Variants in TMEM232 observed in about 807,000 individuals in gnomAD.
TMEM232 encodes the protein transmembrane protein 232.
A neutral mutation model predicts 78.8 loss-of-function variants in TMEM232; 80 were observed. The ratio of observed to expected loss-of-function variants is 1.01; its 90% CI spans 0.85 to 1.22. The LOEUF is 1.22. TMEM232 is among the 50% of genes most tolerant of loss of function. The pLI is 0.00. For missense variants in TMEM232, 881 were observed against 742.2 expected (o/e 1.19, Z -2.17); for synonymous variants, 297 against 254.3 (o/e 1.17, Z -1.60).
chr5:110,426,429 A>C (rs1006186522), intron 12 of TMEM232, among the ~76,000 whole-genome samples: 1 of 152,062 alleles, frequency 6.6e-6, no homozygotes, highest in Admixed American at 6.6e-5. Flanking sequence ...TAAATGAATA[A>C]ATGAGAACTA....
At chr5:110,735,243 T>TAGGACCATAGCATTCTGTGCCAACTC (rs1799040496) in intron 1 of TMEM232, among the ~76,000 whole-genome samples, 1 of 152,234 alleles carries the variant, frequency 6.6e-6, no homozygotes, top group Admixed American at 6.5e-5. Context: ...TTTTGTTTGG[T>TAGGACCATAGCATTCTGTGCCAACTC]AGGACCATAG....
Position 110,568,473 on chromosome 5 carries a change from T to C in TMEM232, c.1429A>G (p.Ile477Val). Reference protein sequence around the residue: ...KTKDYEEDVRIQNAINIAQAE... With the variant: ...KTKDYEEDVRVQNAINIAQAE... ...TGAGCTATATTGATTGCATTTTGGA[T>C]TCGTACATCTTCCTCATAATCCTTT... Residue 477 changes from isoleucine (I) to valine (V), a missense_variant, in exon 11 of 14, where the codon ATC becomes GTC. By Grantham distance (29) the Ile-to-Val change is conservative. Transcript: ENST00000455884. The C allele has an allele frequency of 6.5e-7, 1 of 1,547,774 alleles. No individual in the cohort carries two copies. Among genetic ancestry groups the C allele is most frequent in the Non-Finnish European group, 8.7e-7 (1 of 1,145,112 alleles).
chr5:110,528,815 A>G lies in TMEM232; in HGVS notation c.1476T>C (p.Thr492=), dbSNP rs1383715434. ...TTGTACTATATCTAGTGAAAGGATC[A>G]GTTGGGTCATTTAACTCAGCCTGTT... The part of the protein sequence containing the change: ...NIAQAELNDP[T]DPFTRYSTNI... The change falls in exon 12 of 14, where the codon ACT becomes ACC. Residue 492 remains threonine, a synonymous_variant. Coordinates refer to ENST00000455884, the MANE Select transcript of TMEM232 (RefSeq NM_001039763.4). 6.7e-6 allele frequency: 10 copies of G among 1,487,990 alleles called. No individual in the cohort carries two copies. Among genetic ancestry groups the G allele is most frequent in the Non-Finnish European group, 8.9e-6 (10 of 1,120,892 alleles). The allele number at this position is 1,487,990 out of a possible 1,614,324, so 92.2% of individuals were successfully genotyped here.
chr5:110,412,749 T>C (rs1756045436), intron 2 of TMEM232, among the ~76,000 whole-genome samples: 1 of 152,202 alleles, frequency 6.6e-6, no homozygotes, highest in Admixed American at 6.5e-5. Context: ...TAGGACCCAT[T>C]GTTATTTGAT....
At chr5:110,504,748 G>C (rs1255989079) in intron 12 of TMEM232, among the ~76,000 whole-genome samples, 1 of 152,138 alleles carries the variant, frequency 6.6e-6, no homozygotes, top group East Asian at 1.9e-4. Context: ...TCAACTGATT[G>C]GACAAGGGCC....
Position 110,732,554 on chromosome 5 carries a change from G to A in TMEM232, c.-13+2349C>T, listed in dbSNP as rs145060283. ...AGAAAAATGAGGAATAAGAAAAAGC[G>A]GAAACCCCTGATAAGCCCATCAGAT... On this transcript the variant is annotated intron_variant, in intron 2 of 4. Coordinates refer to the TMEM232 transcript ENST00000512886. Among the ~76,000 whole-genome samples the A allele has an allele frequency of 1.7e-3, 256 of 152,238 alleles. 3 individuals carry two copies. The highest frequency in any genetic ancestry group is 4.8e-3 in the African/African-American group (201 of 41,530).
At chr5:110,651,830 G>T (rs150156484) in intron 2 of TMEM232, among the ~76,000 whole-genome samples, 1 of 152,126 alleles carries the variant, frequency 6.6e-6, no homozygotes, top group African/African-American at 2.4e-5. Context: ...TAATTACAAA[G>T]GGCCAGAAAC....
intron 7 of TMEM232, among the ~76,000 whole-genome samples, chr5:110,624,679 G>C (rs1354704559): frequency 6.6e-6 from 1 of 152,004 alleles, no homozygotes; most frequent in Non-Finnish European, 1.5e-5. Flanking sequence ...ATTTGCCAAA[G>C]AGAAAACACT....
At chr5:110,527,865 A>C (rs1423556429) in intron 12 of TMEM232, among the ~76,000 whole-genome samples, 1 of 152,054 alleles carries the variant, frequency 6.6e-6, no homozygotes, top group Non-Finnish European at 1.5e-5. Flanking sequence ...ACTTGGGTTA[A>C]AAAGTAAATA....
chr5:110,591,901 C>T (rs1225918372), intron 10 of TMEM232, among the ~76,000 whole-genome samples: 1 of 152,042 alleles, frequency 6.6e-6, no homozygotes, highest in Non-Finnish European at 1.5e-5. Context: ...ATCCTTATCT[C>T]CCAATAAGTA....
chr5:110,605,466 CTAAA>C, intron 9 of TMEM232, 108 bp from the exon 10 acceptor site: 1 of 1,260,598 alleles, frequency 7.9e-7, no homozygotes, highest in South Asian at 1.9e-5. Context: ...ACTAATATAT[CTAAA>C]TGTGTTCATT....
At chr5:110,480,143 G>A (rs1166547965) in intron 12 of TMEM232, among the ~76,000 whole-genome samples, 2 of 151,632 alleles carry the variant, frequency 1.3e-5, no homozygotes, top group African/African-American at 4.8e-5. Flanking sequence ...AAAAGGGAAA[G>A]CTAATGTTAA....
At chr5:110,396,237 C>G (rs905838826) in intron 3 of TMEM232, among the ~76,000 whole-genome samples, 1 of 152,080 alleles carries the variant, frequency 6.6e-6, no homozygotes, top group Non-Finnish European at 1.5e-5. Context: ...ATTTTGAGAA[C>G]AGCATGGGGC....
intron 1 of TMEM232, among the ~76,000 whole-genome samples, chr5:110,669,803 A>T (rs369098541): frequency 1.3e-5 from 2 of 151,580 alleles, no homozygotes; most frequent in Middle Eastern, 3.4e-3. Context: ...GGGCTTCATC[A>T]CTGGGATGCA....
chr5:110,620,664 T>TC (rs80087185), intron 7 of TMEM232, among the ~76,000 whole-genome samples: 6,692 of 129,666 alleles, frequency 0.052, 358 homozygotes, highest in South Asian at 0.13. Flanking sequence ...TCTCTCCTCC[T>TC]CTCTCTCTCT....
At chr5:110,506,717 T>A (rs1010874582) in intron 12 of TMEM232, among the ~76,000 whole-genome samples, 1 of 152,176 alleles carries the variant, frequency 6.6e-6, no homozygotes, top group South Asian at 2.1e-4. Context: ...AAACACTGAA[T>A]CATTTCCATT....
intron 10 of TMEM232, among the ~76,000 whole-genome samples, chr5:110,580,220 C>T (rs1428799578): frequency 6.6e-6 from 1 of 151,628 alleles, no homozygotes; most frequent in Non-Finnish European, 1.5e-5. Flanking sequence ...TGACAGTTGT[C>T]CCATAAGATT....
chr5:110,524,458 AAAAAG>A (rs1355834452), intron 12 of TMEM232, among the ~76,000 whole-genome samples: 154 of 151,792 alleles, frequency 1.0e-3, no homozygotes, highest in African/African-American at 3.6e-3. Context: ...AGAAAGAAAG[AAAAAG>A]AAAGAAAGAA....
chr5:110,502,718 G>A (rs1766409630), intron 12 of TMEM232, among the ~76,000 whole-genome samples: 1 of 152,072 alleles, frequency 6.6e-6, no homozygotes, highest in South Asian at 2.1e-4. Flanking sequence ...CATTGCCCAC[G>A]TTTTTAGAAC....
Sources: gnomAD v4.1 joint callset for allele counts (sites outside exome capture counted in the v4.1 genomes callset) on GRCh38, gnomAD v4.1.1 for gene constraint, MANE v1.5 for transcripts, NCBI Gene and HGNC (gene_info 2026-07-23, HGNC 2026-07-21) for gene names.